TASP1: variants seen among roughly 807,000 people sequenced by gnomAD.
The protein encoded by TASP1 is threonine aspartase 1.
A neutral mutation model predicts 56.6 loss-of-function variants in TASP1; 16 were observed. The observed-to-expected ratio is 0.28, with a 90% CI of 0.19 to 0.43. The LOEUF (loss-of-function observed/expected upper bound fraction) is 0.43. Among genes scored for constraint, TASP1 ranks in the 20% least tolerant of loss-of-function variants. The probability of loss-of-function intolerance (pLI) is 1.00; values close to 1 mark genes in which losing one functional copy is unlikely to be tolerated. For missense variants in TASP1, 393 were observed against 511.6 expected, an observed-to-expected ratio of 0.77 and a Z score of 2.24; for synonymous variants, 179 against 184.2, an observed-to-expected ratio of 0.97 and a Z score of 0.23.
the TASP1 span, among the ~76,000 whole-genome samples, chr20:13,182,323 T>C: frequency 6.6e-5 from 10 of 152,228 alleles, no homozygotes; most frequent in African/African-American, 2.2e-4. Context: ...ATGTAGTAAT[T>C]AATGCATTGC....
chr20:13,367,490 A>C, the TASP1 span, among the ~76,000 whole-genome samples: 1 of 152,156 alleles, frequency 6.6e-6, no homozygotes, highest in Non-Finnish European at 1.5e-5. Flanking sequence ...AATTGCGATC[A>C]CTCAGCTTAG....
At chr20:13,314,103 TGAAA>T in the TASP1 span, among the ~76,000 whole-genome samples, 1 of 151,526 alleles carries the variant, frequency 6.6e-6, no homozygotes, top group Non-Finnish European at 1.5e-5. Flanking sequence ...AAAAAAAGAC[TGAAA>T]GAAACAAAAC....
intron 4 of TASP1, among the ~76,000 whole-genome samples, chr20:13,610,176 G>A (rs2048302929): frequency 6.6e-6 from 1 of 152,188 alleles, no homozygotes; most frequent in African/African-American, 2.4e-5. Flanking sequence ...AAAATGTTTG[G>A]AACTGAAAGT....
chr20:13,335,371 C>T, the TASP1 span, among the ~76,000 whole-genome samples: 12 of 151,596 alleles, frequency 7.9e-5, no homozygotes, highest in Non-Finnish European at 1.3e-4. Flanking sequence ...CAAACACACA[C>T]CCTGGCAGGA....
intron 11 of TASP1, among the ~76,000 whole-genome samples, chr20:13,466,288 A>C (rs1198008878): frequency 6.6e-6 from 1 of 152,204 alleles, no homozygotes. Context: ...ATATATTAAA[A>C]ACTCACAAAA....
chr20:13,173,675 T>C, the TASP1 span, among the ~76,000 whole-genome samples: 2 of 152,092 alleles, frequency 1.3e-5, no homozygotes, highest in Admixed American at 1.3e-4. Context: ...GGTGATAGGT[T>C]TCTCACCTCT....
chr20:13,318,136 A>AAAATAAAT, the TASP1 span, among the ~76,000 whole-genome samples: 14,794 of 145,052 alleles, frequency 0.1, 1,646 homozygotes, highest in African/African-American at 0.28. Flanking sequence ...GACACTTGAA[A>AAAATAAAT]AAATAAATAA....
the TASP1 span, among the ~76,000 whole-genome samples, chr20:13,124,047 C>T: frequency 2.2e-3 from 334 of 152,324 alleles, 1 homozygote; most frequent in African/African-American, 7.6e-3. Flanking sequence ...GTGAACTTTC[C>T]GGATACCCTG....
At chr20:13,235,805 C>T in the TASP1 span, among the ~76,000 whole-genome samples, 12 of 152,186 alleles carry the variant, frequency 7.9e-5, no homozygotes, top group African/African-American at 2.4e-4. Flanking sequence ...TATAAGCCTG[C>T]GACCACTTTC....
chr20:13,456,974 A>T (rs1213424674), intron 11 of TASP1, among the ~76,000 whole-genome samples: 2 of 152,138 alleles, frequency 1.3e-5, no homozygotes, highest in African/African-American at 4.8e-5. Context: ...CTTTGCAGGG[A>T]CATGGATGAA....
At position 13,489,702 on chromosome 20, in the gene TASP1, G is replaced by A. The variant is rs180937120; in HGVS notation, c.875-6365C>T. On this transcript the variant is annotated intron_variant, in intron 10 of 13. Transcript: ENST00000337743. ...TTAAGTTTAAATTTAAAAACCTGCCGCTTTAGCAACGCAATTCAGTTCTCT... is the reference window on the plus strand; with the variant it reads ...TTAAGTTTAAATTTAAAAACCTGCCACTTTAGCAACGCAATTCAGTTCTCT... Among the ~76,000 whole-genome samples, 102 of 152,184 alleles carry A rather than the reference G, an allele frequency of 6.7e-4. No homozygotes were observed. The East Asian group carries it at 0.011, about 16-fold the overall frequency.
At chr20:13,464,870 T>C (rs958865575) in intron 11 of TASP1, among the ~76,000 whole-genome samples, 1 of 151,952 alleles carries the variant, frequency 6.6e-6, no homozygotes. Flanking sequence ...TGTACACTTA[T>C]GGTTAAAGCA....
chr20:13,199,209 T>C, the TASP1 span, among the ~76,000 whole-genome samples: 1 of 152,010 alleles, frequency 6.6e-6, no homozygotes, highest in Admixed American at 6.6e-5. Context: ...GGCCCTCTTG[T>C]TTTCCTTTTT....
chr20:13,243,279 C>T, the TASP1 span, among the ~76,000 whole-genome samples: 1 of 152,186 alleles, frequency 6.6e-6, no homozygotes, highest in South Asian at 2.1e-4. Context: ...TGCAGTCATT[C>T]AGGGACCCAG....
chr20:13,254,481 C>A, the TASP1 span, among the ~76,000 whole-genome samples: 1 of 152,174 alleles, frequency 6.6e-6, no homozygotes, highest in Non-Finnish European at 1.5e-5. Flanking sequence ...CCTGCTGAGC[C>A]TCATTTCTGC....
the TASP1 span, among the ~76,000 whole-genome samples, chr20:13,353,247 C>CACA: frequency 9.0e-6 from 1 of 111,100 alleles, no homozygotes; most frequent in Non-Finnish European, 2.1e-5. Flanking sequence ...GATTTTGTCT[C>CACA]AAAAAAAAAA....
chr20:13,292,470 T>A, the TASP1 span: 1 of 1,557,378 alleles, frequency 6.4e-7, no homozygotes. Flanking sequence ...GTTGGTAAGA[T>A]TTTTTTCTTT....
intron 11 of TASP1, among the ~76,000 whole-genome samples, chr20:13,472,700 A>T (rs544580588): frequency 3.3e-5 from 5 of 151,330 alleles, no homozygotes; most frequent in Non-Finnish European, 5.9e-5. Flanking sequence ...TTTTCAAAAG[A>T]AGACGTTTAT....
At chr20:13,411,496 C>G (rs543943945) in intron 13 of TASP1, among the ~76,000 whole-genome samples, 1 of 152,284 alleles carries the variant, frequency 6.6e-6, no homozygotes, top group Admixed American at 6.5e-5. Flanking sequence ...ACAGGTCTTT[C>G]ATCTCCTTGG....
Sources: gnomAD v4.1 joint callset for allele counts (sites outside exome capture counted in the v4.1 genomes callset) on GRCh38, gnomAD v4.1.1 for gene constraint, MANE v1.5 for transcripts, NCBI Gene and HGNC (gene_info 2026-07-23, HGNC 2026-07-21) for gene names.